Variants in ROBO1 observed in about 807,000 individuals in gnomAD.
ROBO1 encodes roundabout guidance receptor 1, also known as roundabout homolog 1.
In ROBO1, 149 loss-of-function variants were observed where a neutral mutation model predicts 195.9. That is an observed-to-expected ratio of 0.76 (90% CI 0.67 to 0.87). The LOEUF is 0.87. Among genes scored for constraint, ROBO1 ranks in the 40% least tolerant of loss-of-function variants. The pLI is 0.00. For synonymous variants in ROBO1, 816 were observed against 733.2 expected (o/e 1.11, Z -1.82); for missense variants, 1,933 against 2,068.3 (o/e 0.93, Z 1.27).
intron 2 of ROBO1, among the ~76,000 whole-genome samples, chr3:79,201,518 A>G (rs896856761): frequency 2.0e-5 from 3 of 152,010 alleles, no homozygotes; most frequent in African/African-American, 7.2e-5. Flanking sequence ...AACTGAGGCA[A>G]ACAAAGGCCA....
intron 3 of ROBO1, among the ~76,000 whole-genome samples, chr3:79,025,651 C>CAG (rs59618177): frequency 0.99 from 150,931 of 152,318 alleles, 74,787 homozygotes; most frequent in East Asian, 1. Flanking sequence ...AGAGAACTAA[C>CAG]TGAATATCAC....
chr3:79,340,683 G>T (rs1293964319), intron 2 of ROBO1, among the ~76,000 whole-genome samples: 1 of 152,134 alleles, frequency 6.6e-6, no homozygotes. Context: ...TATTTCTTAG[G>T]AGTTAGAAAT....
In ROBO1 at chr3:78,656,962, C is replaced by A. The variant is rs1279342517; in HGVS notation, c.2614+136G>T. On this transcript the variant is annotated intron_variant, in intron 18 of 30. Transcript: ENST00000464233. ...TCCTACATATTAAGTAAAGCTAACACCTTTTTGTAGCTCTAAGCCATATTC... is the reference window on the plus strand; with the variant it reads ...TCCTACATATTAAGTAAAGCTAACAACTTTTTGTAGCTCTAAGCCATATTC... 5.1e-6 allele frequency: 4 copies of A among 787,826 alleles called. 1 individual carries two copies. The highest frequency in any genetic ancestry group is 7.7e-6 in the Non-Finnish European group (4 of 517,608). 48.8% of individuals were successfully genotyped at this position (787,826 alleles called of 1,614,324 possible).
chr3:78,898,786 G>T (rs966227507), intron 4 of ROBO1, among the ~76,000 whole-genome samples: 1 of 152,104 alleles, frequency 6.6e-6, no homozygotes, highest in South Asian at 2.1e-4. Flanking sequence ...TTTAAATTTG[G>T]TATACATGGA....
intron 4 of ROBO1, among the ~76,000 whole-genome samples, chr3:78,870,869 T>C (rs776669211): frequency 1.3e-5 from 2 of 152,268 alleles, no homozygotes; most frequent in East Asian, 1.9e-4. Flanking sequence ...CTTAGCTACA[T>C]GGCCTCGATG....
intron 1 of ROBO1, among the ~76,000 whole-genome samples, chr3:79,714,787 G>A (rs1306261966): frequency 6.8e-6 from 1 of 146,730 alleles, no homozygotes; most frequent in Non-Finnish European, 1.5e-5. Context: ...TCATAGGTGG[G>A]AATTGAACAA....
At chr3:78,968,373 C>G (rs1348098202) in intron 3 of ROBO1, among the ~76,000 whole-genome samples, 1 of 148,924 alleles carries the variant, frequency 6.7e-6, no homozygotes, top group Admixed American at 6.8e-5. Flanking sequence ...TTCCCAGGTT[C>G]AACCAATTCT....
In ROBO1 at chr3:79,557,503, G is replaced by A. The variant is rs188134747; in HGVS notation, c.88+32321C>T. ...TAATCCCACCACTTCAGAGGCTGAG[G>A]GGGGTGGATCACTTGAGCCCAGGAG... is the stretch of plus-strand genomic sequence containing the variant. On this transcript the variant is annotated intron_variant, in intron 2 of 30. Transcript: ENST00000464233. 2.4e-3 allele frequency among the ~76,000 whole-genome samples: 362 copies of A among 151,912 alleles called. 4 individuals carry two copies. The highest frequency in any genetic ancestry group is 1.4e-3 in the East Asian group (7 of 5,162).
At chr3:78,634,159 G>T in intron 23 of ROBO1, 117 bp from the exon 24 acceptor site, 1 of 603,208 alleles carries the variant, frequency 1.7e-6, no homozygotes. Flanking sequence ...CCATTTATTT[G>T]CCTTTTTTCT....
chr3:78,853,218 G>C (rs972470713), intron 4 of ROBO1, among the ~76,000 whole-genome samples: 1 of 151,848 alleles, frequency 6.6e-6, no homozygotes, highest in African/African-American at 2.4e-5. Context: ...AAGAAAAGGA[G>C]TACGGGAGAG....
intron 4 of ROBO1, among the ~76,000 whole-genome samples, chr3:78,805,185 C>T (rs546891856): frequency 1.3e-5 from 2 of 152,244 alleles, no homozygotes; most frequent in East Asian, 3.9e-4. Flanking sequence ...CTCACTAGTG[C>T]ACTACTAGGG....
chr3:78,873,994 C>G (rs1242947077), intron 4 of ROBO1, among the ~76,000 whole-genome samples: 1 of 151,648 alleles, frequency 6.6e-6, no homozygotes, highest in Non-Finnish European at 1.5e-5. Context: ...TATCACATAC[C>G]CCCTTGGAAA....
intron 2 of ROBO1, among the ~76,000 whole-genome samples, chr3:79,455,887 A>G (rs564059522): frequency 3.0e-4 from 45 of 152,288 alleles, no homozygotes; most frequent in African/African-American, 1.0e-3. Context: ...TAAAATATCT[A>G]GAGACTGCAT....
In ROBO1 at chr3:79,701,511, C is replaced by T. The variant is rs150911639; in HGVS notation, c.-51+66241G>A. Among the ~76,000 whole-genome samples the T allele has an allele frequency of 4.6e-5, 7 of 151,684 alleles. No individual in the cohort carries two copies. The East Asian group carries it at 1.4e-3, about 29-fold the overall frequency. Reference sequence around the variant, plus strand: ...AGTCTGTAGAACAGAGCCAACTAACCTTATTACAAAAGATAGAAATAAATT... The same window carrying T: ...AGTCTGTAGAACAGAGCCAACTAACTTTATTACAAAAGATAGAAATAAATT... On this transcript the variant is annotated intron_variant, in intron 1 of 30. Coordinates refer to ENST00000464233, the MANE Select transcript of ROBO1 (RefSeq NM_002941.4).
chr3:79,214,276 T>C (rs2082016090), intron 2 of ROBO1, among the ~76,000 whole-genome samples: 1 of 152,090 alleles, frequency 6.6e-6, no homozygotes, highest in Non-Finnish European at 1.5e-5. Flanking sequence ...TTTATTACCG[T>C]AAATAATAGT....
intron 2 of ROBO1, among the ~76,000 whole-genome samples, chr3:79,497,721 T>C (rs929735805): frequency 6.6e-5 from 10 of 152,232 alleles, no homozygotes; most frequent in East Asian, 1.9e-4. Context: ...AGTTGAATTA[T>C]ATTTTGGTGC....
intron 2 of ROBO1, among the ~76,000 whole-genome samples, chr3:79,238,235 T>C (rs2082450346): frequency 6.6e-6 from 1 of 152,204 alleles, no homozygotes; most frequent in Non-Finnish European, 1.5e-5. Context: ...GCAAGTTGAG[T>C]ATAATGCAAT....
chr3:79,184,186 C>G (rs902955703), intron 2 of ROBO1, among the ~76,000 whole-genome samples: 1 of 152,226 alleles, frequency 6.6e-6, no homozygotes, highest in Admixed American at 6.5e-5. Context: ...TTTAAATACC[C>G]CAAATGAGAA....
chr3:79,550,195 G>GAAAA lies in ROBO1; in HGVS notation c.88+39628_88+39629insTTTT. On this transcript the variant is annotated intron_variant, in intron 2 of 30. Transcript: ENST00000464233. ...AGAAAGAAAGAAAGAAAGAAAGAAA[G>GAAAA]GAAAAGAAAAGAAAAGAAAAGAAAA... is the stretch of plus-strand genomic sequence containing the variant. Among the ~76,000 whole-genome samples, 32 of 100,838 alleles carry GAAAA rather than the reference G, an allele frequency of 3.2e-4. 1 individual carries two copies. The highest frequency in any genetic ancestry group is 1.5e-3 in the African/African-American group (32 of 21,442). 66.2% of individuals were successfully genotyped at this position (100,838 alleles called of 152,430 possible).
Sources: allele counts gnomAD v4.1 joint callset (sites outside exome capture counted in the v4.1 genomes callset), GRCh38; gene constraint gnomAD v4.1.1; transcripts MANE v1.5; gene names NCBI Gene and HGNC (gene_info 2026-07-23, HGNC 2026-07-21).